Variants in RSPH14 observed in about 807,000 individuals in gnomAD.
RSPH14 encodes the protein radial spoke head 14 homolog.
RSPH14 carries 20 observed loss-of-function variants against 26.7 expected under a neutral mutation model. The observed-to-expected ratio is 0.75, with a 90% CI of 0.53 to 1.09. The LOEUF is 1.09. RSPH14 is among the 50% of genes least tolerant of loss of function. The probability of loss-of-function intolerance (pLI) is 0.00; values close to 1 mark genes in which losing one functional copy is unlikely to be tolerated. For missense variants in RSPH14, 449 were observed against 457.2 expected, an observed-to-expected ratio of 0.98 and a Z score of 0.16; for synonymous variants, 177 against 189.3, an observed-to-expected ratio of 0.93 and a Z score of 0.53.
chr22:23,095,992 C>T, intron 4 of RSPH14: 1 of 1,609,692 alleles, frequency 6.2e-7, no homozygotes, highest in Non-Finnish European at 8.5e-7. Context: ...ACAACCCCGA[C>T]CGCGCCTACG....
intron 5 of RSPH14, among the ~76,000 whole-genome samples, chr22:23,062,989 C>G (rs2068125343): frequency 1.3e-5 from 2 of 152,212 alleles, no homozygotes; most frequent in Admixed American, 6.5e-5. Context: ...AGGAGCTCCC[C>G]TCGGGGATGA....
chr22:23,080,007 A>AT (rs1347863004), intron 4 of RSPH14, among the ~76,000 whole-genome samples: 3 of 152,116 alleles, frequency 2.0e-5, no homozygotes, highest in Admixed American at 1.3e-4. Flanking sequence ...TGAGGGTTTG[A>AT]TGGAGTCAGC....
chr22:23,126,440 C>T (rs1211891538), intron 4 of RSPH14, among the ~76,000 whole-genome samples: 1 of 152,234 alleles, frequency 6.6e-6, no homozygotes, highest in African/African-American at 2.4e-5. Flanking sequence ...GCATGTCCTT[C>T]CCCATCCTCA....
the RSPH14 span, chr22:23,158,151 GACC>G: frequency 6.5e-7 from 1 of 1,539,652 alleles, no homozygotes; most frequent in South Asian, 1.2e-5. Context: ...GGGTGTGAGT[GACC>G]AGGGCCCCTT....
chr22:23,159,124 G>C, the RSPH14 span: 11 of 1,599,590 alleles, frequency 6.9e-6, no homozygotes, highest in South Asian at 1.2e-4. Context: ...CCCTGCAGGA[G>C]AGCCGGGACG....
chr22:23,140,471 C>T lies in RSPH14; in HGVS notation c.-51G>A, dbSNP rs74701880. Reference sequence around the variant, plus strand: ...CAAATGAAGCTCTGCAGAAACCACTCACTAAAAGAGACCAAAAAGCTGTCA... The same window carrying T: ...CAAATGAAGCTCTGCAGAAACCACTTACTAAAAGAGACCAAAAAGCTGTCA... On this transcript the variant is annotated splice_region_variant and 5_prime_UTR_variant, in exon 2 of 7. Transcript: ENST00000216036. 9,162 of 1,589,376 alleles carry T rather than the reference C, an allele frequency of 5.8e-3. 419 individuals carry two copies. In the African/African-American group the frequency reaches 0.1, roughly 18 times the overall value.
At chr22:23,080,697 C>T (rs1328407354) in intron 4 of RSPH14, among the ~76,000 whole-genome samples, 2 of 152,234 alleles carry the variant, frequency 1.3e-5, no homozygotes, top group Admixed American at 6.5e-5. Context: ...CACGGAGTCA[C>T]ATGTCCTCAA....
the RSPH14 span, among the ~76,000 whole-genome samples, chr22:23,165,892 A>G: frequency 2.0e-5 from 3 of 152,176 alleles, no homozygotes; most frequent in Admixed American, 6.5e-5. Context: ...CATGCCTGTA[A>G]TCCCAGCACT....
intron 4 of RSPH14, among the ~76,000 whole-genome samples, chr22:23,105,026 A>T (rs549919503): frequency 6.6e-6 from 1 of 152,320 alleles, no homozygotes; most frequent in East Asian, 1.9e-4. Context: ...GCTCACCCTA[A>T]TCCCTGCTTC....
chr22:23,150,101 C>G, the RSPH14 span: 1 of 1,612,560 alleles, frequency 6.2e-7, no homozygotes, highest in Admixed American at 1.7e-5. Context: ...TCAGGGAGCA[C>G]TTCCACGGGC....
chr22:23,114,149 G>A (rs1432382748), intron 4 of RSPH14, among the ~76,000 whole-genome samples: 1 of 152,196 alleles, frequency 6.6e-6, no homozygotes, highest in Non-Finnish European at 1.5e-5. Context: ...GTCAGGCCTG[G>A]TGGCTCAGCT....
intron 4 of RSPH14, among the ~76,000 whole-genome samples, chr22:23,100,882 G>A (rs1399403469): frequency 4.6e-5 from 7 of 152,224 alleles, no homozygotes; most frequent in Non-Finnish European, 1.0e-4. Flanking sequence ...GGCTGCCCAA[G>A]GCCGTCCTGT....
the RSPH14 span, among the ~76,000 whole-genome samples, chr22:23,166,714 C>T: frequency 7.2e-5 from 11 of 152,114 alleles, no homozygotes; most frequent in African/African-American, 1.9e-4. Flanking sequence ...CAGCCTCACA[C>T]GATGTTGTTA....
rs780184601 is a variant in RSPH14 at position 23,059,594 on chromosome 22, G to T, written c.915C>A (p.Gly305=). ...ALTMLAEAPE[G]RKALQTHVPT... is the part of the protein sequence containing the mutation. ...GCACGTGCGTCTGCAGGGCCTTGCG[G>T]CCCTCGGGGGCCTCTGCCAGCATGG... Residue 305 remains glycine (G), a synonymous_variant, in exon 7 of 7, where the codon GGC becomes GGA. Transcript: ENST00000216036. 7 of 1,613,680 alleles carry T rather than the reference G, an allele frequency of 4.3e-6. No homozygotes were observed. The highest frequency in any genetic ancestry group is 1.6e-4 in the Middle Eastern group (1 of 6,064).
chr22:23,120,532 TA>T (rs2146394956), intron 4 of RSPH14, among the ~76,000 whole-genome samples: 1 of 152,254 alleles, frequency 6.6e-6, no homozygotes, highest in Non-Finnish European at 1.5e-5. Flanking sequence ...TCCTCTTACC[TA>T]AATTCCACTG....
chr22:23,062,377 C>T (rs561116186), intron 5 of RSPH14, among the ~76,000 whole-genome samples: 1 of 152,310 alleles, frequency 6.6e-6, no homozygotes, highest in East Asian at 1.9e-4. Flanking sequence ...GGACTCAGAC[C>T]AGGTAACTTT....
At position 23,140,286 on chromosome 22, in the gene RSPH14, T is replaced by C. The variant is rs762710560; in HGVS notation, c.135A>G (p.Lys45=). ...TGAGGTCACACAAGGCCATGAGGGC[T>C]TTCTGCCTCGTCTGGAGGTCCTCTG... ...LQSEDLQTRQ[K]ALMALCDLMH... Residue 45 remains lysine (K), a synonymous_variant, in exon 2 of 7, where the codon AAA becomes AAG. Coordinates refer to ENST00000216036, the MANE Select transcript of RSPH14 (RefSeq NM_014433.3). The C allele has an allele frequency of 1.7e-5, 27 of 1,614,058 alleles. No individual in the cohort carries two copies. In the Admixed American group the frequency reaches 4.5e-4, roughly 27 times the overall value.
At chr22:23,086,084 G>T (rs1409131441) in intron 4 of RSPH14, among the ~76,000 whole-genome samples, 1 of 152,246 alleles carries the variant, frequency 6.6e-6, no homozygotes. Flanking sequence ...TGTCTACGGC[G>T]GGTGACCCTG....
At chr22:23,119,173 A>C (rs1451389424) in intron 4 of RSPH14, among the ~76,000 whole-genome samples, 2 of 152,046 alleles carry the variant, frequency 1.3e-5, no homozygotes, top group Non-Finnish European at 2.9e-5. Flanking sequence ...ACCTGTCTGC[A>C]CTCCAGGCTG....
Sources: gnomAD v4.1 joint callset for allele counts (sites outside exome capture counted in the v4.1 genomes callset) on GRCh38, gnomAD v4.1.1 for gene constraint, MANE v1.5 for transcripts, NCBI Gene and HGNC (gene_info 2026-07-23, HGNC 2026-07-21) for gene names.